The following TSHR variants were observed in gnomAD, a reference collection of about 807,000 sequenced individuals.
TSHR encodes the protein thyroid stimulating hormone receptor, also known as thyrotropin receptor.
TSHR carries 51 observed loss-of-function variants against 64.1 expected under a neutral mutation model. The observed-to-expected ratio is 0.80, with a 90% CI of 0.64 to 1.01. The LOEUF is 1.01. Among genes scored for constraint, TSHR ranks in the 50% least tolerant of loss-of-function variants. The probability of loss-of-function intolerance (pLI) is 0.00; values close to 1 mark genes in which losing one functional copy is unlikely to be tolerated. For synonymous variants in TSHR, 361 were observed against 361.9 expected (o/e 1.00, Z 0.03); for missense variants, 877 against 942.8 (o/e 0.93, Z 0.91).
intron 1 of TSHR, among the ~76,000 whole-genome samples, chr14:81,040,897 T>C (rs1884887724): frequency 7.9e-5 from 12 of 151,806 alleles, no homozygotes; most frequent in Admixed American, 7.9e-4. Context: ...ATCCAGCCAA[T>C]GATCATATGA....
intron 1 of TSHR, among the ~76,000 whole-genome samples, chr14:81,021,943 C>T (rs1162878614): frequency 6.6e-6 from 1 of 152,096 alleles, no homozygotes; most frequent in Non-Finnish European, 1.5e-5. Flanking sequence ...GCATCCAATG[C>T]ATGGACTTGA....
chr14:81,064,047 G>T (rs761543040), intron 2 of TSHR, among the ~76,000 whole-genome samples: 3 of 152,112 alleles, frequency 2.0e-5, no homozygotes, highest in Non-Finnish European at 2.9e-5. Context: ...ATCATGTGAA[G>T]GAGTTTAAAA....
intron 7 of TSHR, chr14:81,105,090 C>T (rs1005059113): frequency 1.0e-6 from 1 of 985,226 alleles, no homozygotes; most frequent in Non-Finnish European, 1.2e-6. Flanking sequence ...GTTTTTATCA[C>T]TCCTCTCTAA....
chr14:80,971,028 T>C (rs1594901141), intron 1 of TSHR, among the ~76,000 whole-genome samples: 1 of 152,048 alleles, frequency 6.6e-6, no homozygotes, highest in Non-Finnish European at 1.5e-5. Flanking sequence ...TAGAGACGGG[T>C]GGCCAGGTTG....
At chr14:81,080,347 T>G (rs1887814035) in intron 3 of TSHR, among the ~76,000 whole-genome samples, 2 of 152,154 alleles carry the variant, frequency 1.3e-5, no homozygotes, top group Non-Finnish European at 2.9e-5. Flanking sequence ...AAGACTATAT[T>G]TTGCTGATCC....
intron 6 of TSHR, among the ~76,000 whole-genome samples, chr14:81,096,002 T>C (rs1320820830): frequency 6.7e-6 from 1 of 148,322 alleles, no homozygotes; most frequent in Non-Finnish European, 1.5e-5. Context: ...ATTGAGCCAG[T>C]GTACTCCAGC....
At chr14:81,065,901 T>A (rs764417572) in intron 2 of TSHR, among the ~76,000 whole-genome samples, 1 of 152,206 alleles carries the variant, frequency 6.6e-6, no homozygotes, top group Non-Finnish European at 1.5e-5. Flanking sequence ...TCTGGCATAA[T>A]TGTTAATGGC....
At chr14:80,978,122 C>CACACAT (rs1887978686) in intron 1 of TSHR, among the ~76,000 whole-genome samples, 1 of 151,720 alleles carries the variant, frequency 6.6e-6, no homozygotes, top group African/African-American at 2.4e-5. Flanking sequence ...CACACACACA[C>CACACAT]ACACACACAT....
At chr14:80,973,429 A>AAAAAAAAAAAAAAAAAAAAC (rs1566743346) in intron 1 of TSHR, among the ~76,000 whole-genome samples, 1 of 146,236 alleles carries the variant, frequency 6.8e-6, no homozygotes, top group East Asian at 2.1e-4. Flanking sequence ...AAAAAAAAAA[A>AAAAAAAAAAAAAAAAAAAAC]TCTGTGTACT....
intron 1 of TSHR, among the ~76,000 whole-genome samples, chr14:81,038,759 A>G (rs912455008): frequency 6.8e-6 from 1 of 146,048 alleles, no homozygotes; most frequent in Non-Finnish European, 1.5e-5. Flanking sequence ...TATATTAAAA[A>G]TAAATAAAAA....
intron 1 of TSHR, among the ~76,000 whole-genome samples, chr14:81,026,684 A>G (rs1485972092): frequency 6.6e-6 from 1 of 152,124 alleles, no homozygotes; most frequent in Non-Finnish European, 1.5e-5. Flanking sequence ...AATGTTAAAA[A>G]AGGTATTTGG....
intron 1 of TSHR, among the ~76,000 whole-genome samples, chr14:80,961,101 G>A (rs1028349369): frequency 3.3e-5 from 5 of 152,232 alleles, no homozygotes; most frequent in African/African-American, 7.2e-5. Context: ...ACGCAGAACT[G>A]GGTCCTTCTA....
chr14:80,995,593 C>A (rs1389486264), intron 1 of TSHR: 1 of 152,034 alleles, frequency 6.6e-6, no homozygotes. Context: ...AATCAAATCC[C>A]ATATATTCTC....
At chr14:81,079,818 A>G (rs1460083825) in intron 3 of TSHR, among the ~76,000 whole-genome samples, 2 of 151,334 alleles carry the variant, frequency 1.3e-5, no homozygotes, top group Non-Finnish European at 2.9e-5. Context: ...ATCGTGCTAC[A>G]CACTCCAGCC....
chr14:81,084,540 A>G (rs1360963653), intron 3 of TSHR, among the ~76,000 whole-genome samples: 1 of 152,198 alleles, frequency 6.6e-6, no homozygotes, highest in Non-Finnish European at 1.5e-5. Flanking sequence ...AACAGCCCTT[A>G]GTGAGTGAGG....
rs1254323167 is a variant in TSHR, at chr14:81,115,538, C to A, written c.692+7086C>A. Among the ~76,000 whole-genome samples the A allele has an allele frequency of 2.0e-5, 3 of 148,708 alleles. No homozygotes were observed. The East Asian group carries it at 6.2e-4, about 31-fold the overall frequency. ...AGAAATATGGGACTATGTGAAAAGA[C>A]CAAATCTACATCTGATTGGTGTACC... On this transcript the variant is annotated intron_variant, in intron 8 of 9. Transcript: ENST00000298171.
chr14:81,140,924 G>A (rs374012056), intron 9 of TSHR, among the ~76,000 whole-genome samples: 7 of 152,218 alleles, frequency 4.6e-5, no homozygotes, highest in East Asian at 3.9e-4. Context: ...GTTCGAGACC[G>A]GCCAGGCCAA....
In TSHR at chr14:80,981,565, T is replaced by C. The variant is rs1336923794; in HGVS notation, c.170+25715T>C. On this transcript the variant is annotated intron_variant, in intron 1 of 9. Transcript: ENST00000298171. Reference sequence around the variant, plus strand: ...TAGCATCTTCTGAGGACCCTTGCTATGTGAGCAGGCTGACATAGGTGGTGA... The same window carrying C: ...TAGCATCTTCTGAGGACCCTTGCTACGTGAGCAGGCTGACATAGGTGGTGA... 1.8e-4 allele frequency among the ~76,000 whole-genome samples: 28 copies of C among 152,164 alleles called. 1 individual carries two copies.
chr14:81,014,873 A>G (rs1457494329), intron 1 of TSHR, among the ~76,000 whole-genome samples: 1 of 152,216 alleles, frequency 6.6e-6, no homozygotes, highest in African/African-American at 2.4e-5. Context: ...AAACTTCACG[A>G]GTGTCCAGAA....
Sources: allele counts gnomAD v4.1 joint callset (sites outside exome capture counted in the v4.1 genomes callset), GRCh38; gene constraint gnomAD v4.1.1; transcripts MANE v1.5; gene names NCBI Gene and HGNC (gene_info 2026-07-23, HGNC 2026-07-21).